The following GRIK1 variants were observed in gnomAD, a reference collection of about 807,000 sequenced individuals.
GRIK1 encodes glutamate receptor ionotropic, kainate 1.
Under a neutral mutation model 105.7 loss-of-function variants are expected in GRIK1, and 69 were observed. That is an observed-to-expected ratio of 0.65 (90% confidence interval 0.54 to 0.80). The LOEUF (loss-of-function observed/expected upper bound fraction) is 0.80, where lower values mean the gene tolerates loss of function less well. GRIK1 is among the 30% of genes least tolerant of loss of function. GRIK1 has a pLI of 0.00. For synonymous variants in GRIK1, 438 were observed against 431.3 expected, an observed-to-expected ratio of 1.02 and a Z score of -0.19; for missense variants, 1,109 against 1,167.3, an observed-to-expected ratio of 0.95 and a Z score of 0.73.
intron 9 of GRIK1, among the ~76,000 whole-genome samples, chr21:29,593,956 C>T (rs901219880): frequency 2.6e-5 from 4 of 152,284 alleles, no homozygotes; most frequent in South Asian, 4.1e-4. Flanking sequence ...TCAACTAAGT[C>T]CCAAGTCCTA....
At chr21:29,704,194 CAA>C (rs1286642459) in intron 1 of GRIK1, among the ~76,000 whole-genome samples, 1 of 152,264 alleles carries the variant, frequency 6.6e-6, no homozygotes, top group East Asian at 1.9e-4. Context: ...GTGGAAAATA[CAA>C]AGATGAAAGA....
intron 1 of GRIK1, among the ~76,000 whole-genome samples, chr21:29,894,960 A>G (rs1246367587): frequency 6.6e-6 from 1 of 152,188 alleles, no homozygotes; most frequent in African/African-American, 2.4e-5. Context: ...GCCATTTAAT[A>G]TGTTTAGAAT....
rs568801456 is a variant in GRIK1, at chr21:29,563,253, C to G, written c.2131-1404G>C. ...GGAATACCTGCGGAGTCAACTCTAT[C>G]ACGGTTATTCATGCCCAGGTGTTCC... On this transcript the variant is annotated intron_variant, in intron 14 of 17. Transcript: ENST00000327783. Among the ~76,000 whole-genome samples the G allele has an allele frequency of 5.3e-5, 8 of 152,246 alleles. No homozygotes were observed. The South Asian group carries it at 1.7e-3, about 32-fold the overall frequency.
intron 1 of GRIK1, among the ~76,000 whole-genome samples, chr21:29,886,905 G>A (rs1010869257): frequency 1.3e-5 from 2 of 152,138 alleles, no homozygotes; most frequent in East Asian, 3.9e-4. Context: ...CACATAGGTA[G>A]CTGGAACAAT....
At chr21:29,646,688 G>A (rs1297662660) in intron 6 of GRIK1, among the ~76,000 whole-genome samples, 1 of 152,152 alleles carries the variant, frequency 6.6e-6, no homozygotes, top group African/African-American at 2.4e-5. Flanking sequence ...GGGTGCTGAA[G>A]AGAGACCTAA....
intron 1 of GRIK1, among the ~76,000 whole-genome samples, chr21:29,881,348 G>A (rs1322709852): frequency 6.6e-6 from 1 of 151,826 alleles, no homozygotes; most frequent in African/African-American, 2.4e-5. Context: ...GATTAAAAAT[G>A]GTATTTTATT....
At chr21:29,548,833 A>G (rs1288412200) in intron 16 of GRIK1, among the ~76,000 whole-genome samples, 1 of 152,258 alleles carries the variant, frequency 6.6e-6, no homozygotes, top group Non-Finnish European at 1.5e-5. Flanking sequence ...CCTACCCACC[A>G]TGTATTCCTT....
rs201038472 is a variant in GRIK1, at chr21:29,560,437, C to CTTTCTTTCTTTCT, written c.2356+1186_2356+1187insAGAAAGAAAGAAA. On this transcript the variant is annotated intron_variant, in intron 15 of 17. Transcript: ENST00000327783. ...TCTTTCTTTCTTTCTTTCTTTCTTT[C>CTTTCTTTCTTTCT]TTTTTCTTTCTCCCTTTCTTTCCTT... 1.5e-3 allele frequency among the ~76,000 whole-genome samples: 166 copies of CTTTCTTTCTTTCT among 112,352 alleles called. 11 individuals are homozygous for CTTTCTTTCTTTCT. Among genetic ancestry groups the CTTTCTTTCTTTCT allele is most frequent in the Admixed American group, 2.6e-3 (25 of 9,718 alleles). The allele number at this position is 112,352 out of a possible 152,430, so 73.7% of individuals were successfully genotyped here.
chr21:29,802,313 T>A (rs1301934528), intron 1 of GRIK1, among the ~76,000 whole-genome samples: 2 of 152,156 alleles, frequency 1.3e-5, no homozygotes, highest in African/African-American at 4.8e-5. Context: ...TAAGGCTTTA[T>A]TACAAAATGC....
At chr21:29,888,453 A>G (rs2069761098) in intron 1 of GRIK1, among the ~76,000 whole-genome samples, 1 of 151,270 alleles carries the variant, frequency 6.6e-6, no homozygotes, top group Admixed American at 6.6e-5. Flanking sequence ...TTTTGTACAG[A>G]TGGTGTTTTG....
chr21:29,921,308 T>C (rs1278065627), intron 1 of GRIK1, among the ~76,000 whole-genome samples: 1 of 152,190 alleles, frequency 6.6e-6, no homozygotes, highest in Non-Finnish European at 1.5e-5. Context: ...GCTGTTGAAA[T>C]ACTAGTGCAA....
intron 17 of GRIK1, 66 bp downstream of exon 17, chr21:29,537,732 T>A (rs759990687): frequency 3.6e-6 from 3 of 841,752 alleles, no homozygotes; most frequent in Non-Finnish European, 4.2e-6. Context: ...ACTGAGATGA[T>A]CCAAACATTG....
chr21:29,849,358 A>C (rs1015289139), intron 1 of GRIK1, among the ~76,000 whole-genome samples: 5 of 152,226 alleles, frequency 3.3e-5, no homozygotes, highest in Non-Finnish European at 7.3e-5. Flanking sequence ...ACAGATGGTA[A>C]GTGCAATTTC....
chr21:29,785,614 G>A (rs1271179308), intron 1 of GRIK1, among the ~76,000 whole-genome samples: 1 of 135,964 alleles, frequency 7.4e-6, no homozygotes, highest in Non-Finnish European at 1.6e-5. Flanking sequence ...CTTCATTTTT[G>A]TTCATATACT....
At chr21:29,551,814 T>G (rs767104488) in intron 16 of GRIK1, among the ~76,000 whole-genome samples, 1 of 152,242 alleles carries the variant, frequency 6.6e-6, no homozygotes. Flanking sequence ...TTTGGGAGAG[T>G]AAACTTAGGA....
At chr21:29,576,036 C>CT (rs141426307) in intron 14 of GRIK1, among the ~76,000 whole-genome samples, 6,348 of 149,626 alleles carry the variant, frequency 0.042, 424 homozygotes, top group African/African-American at 0.14. Context: ...ACCATTAATA[C>CT]TTTTTTTTTT....
chr21:29,825,834 C>T (rs1042380295), intron 1 of GRIK1, among the ~76,000 whole-genome samples: 2 of 152,046 alleles, frequency 1.3e-5, no homozygotes, highest in Non-Finnish European at 2.9e-5. Flanking sequence ...TTCTGGATCA[C>T]GATGATTGTT....
At chr21:29,570,843 CTT>C (rs34929553) in intron 14 of GRIK1, among the ~76,000 whole-genome samples, 4 of 146,004 alleles carry the variant, frequency 2.7e-5, no homozygotes, top group Non-Finnish European at 3.0e-5. Context: ...CTTAGAGTTG[CTT>C]TTTTTTTTTT....
In GRIK1 at chr21:29,939,681, G is replaced by T; in HGVS notation, c.-181C>A. On this transcript the variant is annotated 5_prime_UTR_variant, in exon 1 of 18. Transcript: ENST00000327783. ...TGGGACCGCGGAGCTGGCTGGCAAGGCTGAGCTCTCTCGGGGCTCCTCAGT... is the reference window on the plus strand; with the variant it reads ...TGGGACCGCGGAGCTGGCTGGCAAGTCTGAGCTCTCTCGGGGCTCCTCAGT... The T allele has an allele frequency of 1.9e-6, 1 of 519,918 alleles. No individual in the cohort carries two copies. Among genetic ancestry groups the T allele is most frequent in the Non-Finnish European group, 3.4e-6 (1 of 297,284 alleles). 32.2% of individuals were successfully genotyped at this position (519,918 alleles called of 1,614,324 possible).
Sources: gnomAD v4.1 joint callset for allele counts (sites outside exome capture counted in the v4.1 genomes callset) on GRCh38, gnomAD v4.1.1 for gene constraint, MANE v1.5 for transcripts, NCBI Gene and HGNC (gene_info 2026-07-23, HGNC 2026-07-21) for gene names.